Variants in MYBL2 observed in about 807,000 individuals in gnomAD.
MYBL2 encodes myb-related protein B.
A neutral mutation model predicts 79.9 loss-of-function variants in MYBL2; 28 were observed. The observed-to-expected ratio is 0.35, with a 90% CI of 0.26 to 0.48. MYBL2 has a LOEUF of 0.48. Among genes scored for constraint, MYBL2 ranks in the 20% least tolerant of loss-of-function variants. The pLI is 0.99. For missense variants in MYBL2, 735 were observed against 893.9 expected (o/e 0.82, Z 2.27); for synonymous variants, 378 against 361.2 (o/e 1.05, Z -0.53).
At chr20:43,714,103 T>C (rs1987974457) in intron 12 of MYBL2, among the ~76,000 whole-genome samples, 1 of 152,088 alleles carries the variant, frequency 6.6e-6, no homozygotes, top group Admixed American at 6.5e-5. Flanking sequence ...AGAGCACAGA[T>C]TGAGTCAGGT....
chr20:43,667,196 G>A lies in MYBL2; in HGVS notation c.-88G>A. On this transcript the variant is annotated 5_prime_UTR_variant, in exon 1 of 14. Coordinates refer to ENST00000217026, the MANE Select transcript of MYBL2 (RefSeq NM_002466.4). ...GCGCGGCCCGGGGCCCGGAGCGGCC[G>A]GAGCAGCCCGGGTCCTGACCCCGGC... 2.0e-6 allele frequency: 2 copies of A among 981,034 alleles called. No homozygotes were observed. Among genetic ancestry groups the A allele is most frequent in the Non-Finnish European group, 2.6e-6 (2 of 779,966 alleles). The allele number at this position is 981,034 out of a possible 1,614,324, so 60.8% of individuals were successfully genotyped here.
chr20:43,694,354 T>A (rs980520447), intron 6 of MYBL2, among the ~76,000 whole-genome samples: 11 of 146,512 alleles, frequency 7.5e-5, no homozygotes, highest in African/African-American at 2.5e-4. Flanking sequence ...CTAAAGAAAA[T>A]TAAATAAATA....
At chr20:43,706,567 G>T (rs2145731612) in intron 9 of MYBL2, among the ~76,000 whole-genome samples, 1 of 151,972 alleles carries the variant, frequency 6.6e-6, no homozygotes, top group South Asian at 2.1e-4. Context: ...GAATCCCTTA[G>T]TCAGAAATCA....
intron 5 of MYBL2, among the ~76,000 whole-genome samples, chr20:43,687,941 GGC>G (rs1463410369): frequency 6.8e-6 from 1 of 148,138 alleles, no homozygotes. Flanking sequence ...GAACCCAGGA[GGC>G]AGAGGTTGCA....
chr20:43,705,145 C>T (rs1987751916), intron 8 of MYBL2, 74 bp from the exon 9 acceptor site: 1 of 1,554,978 alleles, frequency 6.4e-7, no homozygotes, highest in African/African-American at 1.4e-5. Context: ...GATCTCTCCC[C>T]ATGATCCCCT....
At chr20:43,683,215 T>C (rs387769) in intron 4 of MYBL2, among the ~76,000 whole-genome samples, 129,747 of 152,190 alleles carry the variant, frequency 0.85, 55,468 homozygotes, top group Non-Finnish European at 0.88. Flanking sequence ...GCTTGCAGGT[T>C]CTGTACATTT....
intron 7 of MYBL2, among the ~76,000 whole-genome samples, chr20:43,701,968 C>T (rs1213628146): frequency 6.6e-6 from 1 of 152,160 alleles, no homozygotes; most frequent in Non-Finnish European, 1.5e-5. Flanking sequence ...GAGTTCGAGA[C>T]CAGCCTGGCC....
In MYBL2 at chr20:43,711,556, C is replaced by G; in HGVS notation, c.1674C>G (p.Ile558Met). ...GTTCTGAGGCTGGCATCGAACTCAT[C>G]ATCGAGGACGACATCAGGCCCGAGA... ...VLRSEAGIEL[I>M]IEDDIRPEKQ... The change falls in exon 11 of 14, where the codon ATC becomes ATG. Residue 558 changes from isoleucine (I) to methionine (M), a missense_variant. Ile to Met is a conservative substitution (Grantham distance 10). Transcript: ENST00000217026. The G allele has an allele frequency of 6.2e-7, 1 of 1,613,760 alleles. No individual in the cohort carries two copies. The highest frequency in any genetic ancestry group is 8.5e-7 in the Non-Finnish European group (1 of 1,179,846).
rs1373738588 is a variant in MYBL2, at chr20:43,667,160, G to C, written c.-124G>C. 6.1e-6 allele frequency: 3 copies of C among 490,584 alleles called. No homozygotes were observed. Among genetic ancestry groups the C allele is most frequent in the Non-Finnish European group, 8.8e-6 (3 of 341,190 alleles). The allele number at this position is 490,584 out of a possible 1,614,324, so 30.4% of individuals were successfully genotyped here. ...GGAGCGCGGGACCTGCTGACACGCT[G>C]ACGCCTTCGAGCGCGGCCCGGGGCC... On this transcript the variant is annotated 5_prime_UTR_variant, in exon 1 of 14. Coordinates refer to ENST00000217026, the MANE Select transcript of MYBL2 (RefSeq NM_002466.4).
At chr20:43,712,545 G>A (rs1392600100) in intron 11 of MYBL2, among the ~76,000 whole-genome samples, 1 of 152,154 alleles carries the variant, frequency 6.6e-6, no homozygotes, top group African/African-American at 2.4e-5. Flanking sequence ...CTTCTGTGAG[G>A]TGCACGGTTA....
chr20:43,696,564 A>G (rs1371609536), intron 6 of MYBL2, among the ~76,000 whole-genome samples: 3 of 152,292 alleles, frequency 2.0e-5, no homozygotes, highest in Admixed American at 6.5e-5. Context: ...TTCTTTTTCT[A>G]TTTAACATAT....
chr20:43,712,344 G>A (rs73276090), intron 11 of MYBL2, among the ~76,000 whole-genome samples: 1,950 of 152,308 alleles, frequency 0.013, 48 homozygotes, highest in African/African-American at 0.045. Flanking sequence ...CAGCCTGGGC[G>A]GGACTTGCCC....
intron 6 of MYBL2, among the ~76,000 whole-genome samples, chr20:43,693,257 C>T (rs1267542533): frequency 2.0e-5 from 3 of 152,152 alleles, no homozygotes; most frequent in African/African-American, 4.8e-5. Context: ...GGTTTGAATT[C>T]CTAGCCTGAA....
chr20:43,681,953 C>T (rs1221693674), intron 3 of MYBL2, 98 bp downstream of exon 3: 3 of 1,257,914 alleles, frequency 2.4e-6, no homozygotes, highest in Admixed American at 4.1e-5. Context: ...AAGGGAGTTC[C>T]TTACTCAGCC....
At chr20:43,708,671 C>T (rs1415006961) in intron 9 of MYBL2, among the ~76,000 whole-genome samples, 4 of 152,164 alleles carry the variant, frequency 2.6e-5, no homozygotes, top group African/African-American at 9.7e-5. Flanking sequence ...GTGATCCTCT[C>T]CTGTCAGCCT....
intron 1 of MYBL2, 100 bp from the exon 2 acceptor site, chr20:43,673,706 A>C: frequency 9.0e-7 from 1 of 1,108,680 alleles, no homozygotes; most frequent in Non-Finnish European, 1.4e-6. Context: ...TCTCTCCCCC[A>C]GACCTTTCCC....
At position 43,667,245 on chromosome 20, in the gene MYBL2, C is replaced by A. The variant is rs1227102187; in HGVS notation, c.-39C>A. 1.7e-6 allele frequency: 2 copies of A among 1,210,790 alleles called. No individual in the cohort carries two copies. Among genetic ancestry groups the A allele is most frequent in the Non-Finnish European group, 2.1e-6 (2 of 974,242 alleles). The allele number at this position is 1,210,790 out of a possible 1,614,324, so 75.0% of individuals were successfully genotyped here. On this transcript the variant is annotated 5_prime_UTR_variant, in exon 1 of 14. Transcript: ENST00000217026. ...GCCCGGCTCCCGCTCCGGGCTCTGC[C>A]GGCGGGCGGGCGAGCGCGGCGCGGT...
At chr20:43,708,212 A>T (rs1242073408) in intron 9 of MYBL2, among the ~76,000 whole-genome samples, 1 of 151,802 alleles carries the variant, frequency 6.6e-6, no homozygotes, top group African/African-American at 2.4e-5. Context: ...TGATCCTCCC[A>T]CCTCAGCCTT....
chr20:43,698,351 A>ATTTTTTTT (rs71193701), intron 6 of MYBL2, among the ~76,000 whole-genome samples: 1 of 49,076 alleles, frequency 2.0e-5, no homozygotes, highest in African/African-American at 9.3e-5. Flanking sequence ...CGCCCCGCAT[A>ATTTTTTTT]TTTTTTTTTT....
Sources: gnomAD v4.1 joint callset for allele counts (sites outside exome capture counted in the v4.1 genomes callset) on GRCh38, gnomAD v4.1.1 for gene constraint, MANE v1.5 for transcripts, NCBI Gene and HGNC (gene_info 2026-07-23, HGNC 2026-07-21) for gene names.